Variants in PRSS41 observed in about 807,000 individuals in gnomAD.
PRSS41 encodes serine protease 41.
Under a neutral mutation model 28.8 loss-of-function variants are expected in PRSS41, and 37 were observed. That is an observed-to-expected ratio of 1.29 (90% CI 0.99 to 1.69). The LOEUF (loss-of-function observed/expected upper bound fraction) is 1.69. PRSS41 is among the 40% of genes most tolerant of loss of function. The pLI is 0.00. For missense variants in PRSS41, 431 were observed against 400.7 expected (o/e 1.08, Z -0.65); for synonymous variants, 195 against 163.1 (o/e 1.20, Z -1.49).
At chr16:2,804,687 T>A (rs2069009462) in intron 5 of PRSS41, 141 bp downstream of exon 5, 3 of 924,172 alleles carry the variant, frequency 3.2e-6, no homozygotes, top group Admixed American at 5.0e-5. Flanking sequence ...TTACTGAGCC[T>A]ACAAAATATG....
At chr16:2,799,818 G>A (rs1311011016) in intron 4 of PRSS41, among the ~76,000 whole-genome samples, 1 of 152,268 alleles carries the variant, frequency 6.6e-6, no homozygotes, top group Non-Finnish European at 1.5e-5. Context: ...GTGAGAGGGA[G>A]GCCAGCTTGG....
At chr16:2,799,160 TA>T in intron 3 of PRSS41, 36 bp downstream of exon 3, 1 of 1,506,110 alleles carries the variant, frequency 6.6e-7, no homozygotes, top group Non-Finnish European at 8.9e-7. Context: ...TCAGACTTGC[TA>T]ATGGCCTCCA....
At chr16:2,801,346 T>A (rs545540571) in intron 4 of PRSS41, among the ~76,000 whole-genome samples, 1 of 152,120 alleles carries the variant, frequency 6.6e-6, no homozygotes, top group South Asian at 2.1e-4. Context: ...ATTTTTTTTT[T>A]TAATTTTTTT....
At position 2,801,082 on chromosome 16, in the gene PRSS41, A is replaced by G. The variant is rs924789841; in HGVS notation, c.541+1513A>G. On this transcript the variant is annotated intron_variant, in intron 4 of 5. Transcript: ENST00000399677. Reference sequence around the variant, plus strand: ...TCGAACTCCTGACCTCAGGTGAACTACCCACCTCGGCCTCCCAAAGTTCGG... The same window carrying G: ...TCGAACTCCTGACCTCAGGTGAACTGCCCACCTCGGCCTCCCAAAGTTCGG... Among the ~76,000 whole-genome samples, 88 of 152,184 alleles carry G rather than the reference A, an allele frequency of 5.8e-4. 1 individual carries two copies. The highest frequency in any genetic ancestry group is 2.1e-3 in the African/African-American group (86 of 41,492).
intron 2 of PRSS41, 39 bp downstream of exon 2, chr16:2,798,701 TG>T (rs2068964557): frequency 1.4e-6 from 2 of 1,424,972 alleles, no homozygotes; most frequent in Admixed American, 5.8e-5. Flanking sequence ...CCAGGGCGGC[TG>T]GGCCGGGGTG....
intron 5 of PRSS41, 69 bp downstream of exon 5, chr16:2,804,615 C>A: frequency 6.9e-7 from 1 of 1,444,000 alleles, no homozygotes; most frequent in Non-Finnish European, 9.5e-7. Flanking sequence ...GCTACCATTT[C>A]TCCCCCAACC....
At chr16:2,799,712 T>G (rs1037999749) in intron 4 of PRSS41, 143 bp downstream of exon 4, 8 of 858,848 alleles carry the variant, frequency 9.3e-6, no homozygotes, top group Non-Finnish European at 1.4e-5. Context: ...CATTCTCTCC[T>G]CACTTGCTTT....
chr16:2,804,452 G>A, exon 5 of PRSS41: 1 of 1,551,646 alleles, frequency 6.4e-7, no homozygotes, highest in Non-Finnish European at 8.7e-7. Context: ...AACACCAGGT[G>A]TAATTACCTG....
chr16:2,802,517 A>T (rs1054775873), intron 4 of PRSS41, among the ~76,000 whole-genome samples: 12 of 152,260 alleles, frequency 7.9e-5, no homozygotes, highest in Middle Eastern at 3.4e-3. Context: ...GCACTTTGGG[A>T]GGCCAAGGCA....
intron 5 of PRSS41, 74 bp downstream of exon 5, chr16:2,804,620 C>G: frequency 7.4e-7 from 1 of 1,348,346 alleles, no homozygotes; most frequent in Non-Finnish European, 1.0e-6. Flanking sequence ...CATTTCTCCC[C>G]CAACCACTCC....
Position 2,804,553 on chromosome 16 carries a change from G to T in PRSS41, c.699+7G>T. 6.5e-7 allele frequency: 1 copy of T among 1,550,150 alleles called. No individual in the cohort carries two copies. Among genetic ancestry groups the T allele is most frequent in the Admixed American group, 2.0e-5 (1 of 50,996 alleles). ...CAGTGTAGACACCTGCAAAGTGAGT[G>T]CCTCTACCCCACCAGGGAATCCCAC... On this transcript the variant is annotated splice_region_variant and intron_variant, in intron 5 of 5. Coordinates refer to ENST00000399677, the Ensembl canonical transcript of PRSS41.
At chr16:2,799,647 A>G (rs758391677) in intron 4 of PRSS41, 78 bp downstream of exon 4, 20 of 1,429,142 alleles carry the variant, frequency 1.4e-5, no homozygotes, top group Non-Finnish European at 1.7e-5. Flanking sequence ...CCCGCTACAC[A>G]AGCACAGCAG....
exon 4 of PRSS41, chr16:2,799,406 C>G: frequency 6.4e-7 from 1 of 1,552,130 alleles, no homozygotes; most frequent in Non-Finnish European, 8.7e-7. Flanking sequence ...TGAACCCTGA[C>G]GCACTTGGGG....
chr16:2,799,140 G>T lies in PRSS41; in HGVS notation c.257+16G>T. 1 of 1,509,128 alleles carries T rather than the reference G, an allele frequency of 6.6e-7. No homozygotes were observed. The highest frequency in any genetic ancestry group is 8.8e-7 in the Non-Finnish European group (1 of 1,131,758). The allele number at this position is 1,509,128 out of a possible 1,614,324, so 93.5% of individuals were successfully genotyped here. ...GCTTCCAAAAGTGAGTCTGGGGGGC[G>T]GCCGGGGCCTCAGACTTGCTAATGG... On this transcript the variant is annotated intron_variant, in intron 3 of 5. Transcript: ENST00000399677.
At chr16:2,803,131 C>G (rs1415866329) in intron 4 of PRSS41, among the ~76,000 whole-genome samples, 1 of 152,130 alleles carries the variant, frequency 6.6e-6, no homozygotes, top group African/African-American at 2.4e-5. Flanking sequence ...AGCATTCAAG[C>G]CCTTTACATT....
At chr16:2,801,049 G>A (rs531910187) in intron 4 of PRSS41, among the ~76,000 whole-genome samples, 8 of 152,242 alleles carry the variant, frequency 5.3e-5, no homozygotes, top group African/African-American at 1.9e-4. Context: ...ATGTTGGCTA[G>A]GCTGGTCTCG....
intron 4 of PRSS41, among the ~76,000 whole-genome samples, chr16:2,802,106 A>G (rs1272589984): frequency 7.0e-5 from 10 of 142,212 alleles, no homozygotes; most frequent in African/African-American, 1.4e-4. Context: ...CCGGGCGGAG[A>G]GGCTCCTCAC....
chr16:2,802,171 G>A (rs1394171931), intron 4 of PRSS41, among the ~76,000 whole-genome samples: 5 of 151,248 alleles, frequency 3.3e-5, no homozygotes, highest in East Asian at 3.9e-4. Context: ...CAGACGGGGT[G>A]GCCGGGCAGA....
Position 2,799,302 on chromosome 16 carries a change from G to C in PRSS41, c.274G>C (p.Glu92Gln), listed in dbSNP as rs774293909. 7 of 1,551,494 alleles carry C rather than the reference G, an allele frequency of 4.5e-6. No individual in the cohort carries two copies. The South Asian group carries it at 8.3e-5, about 18-fold the overall frequency. The change falls in exon 4 of 6, where the codon GAG (glutamate) becomes CAG (glutamine). Residue 92 changes from glutamate (E) to glutamine (Q), a missense_variant. Coordinates refer to ENST00000399677, the Ensembl canonical transcript of PRSS41. ...TTCTGCTAGGCACTACTATCCCTCC[G>C]AGTGGACGGTCCAGCTGGGCGAGCT...
Sources: gnomAD v4.1 joint callset for allele counts (sites outside exome capture counted in the v4.1 genomes callset) on GRCh38, gnomAD v4.1.1 for gene constraint, MANE v1.5 for transcripts, NCBI Gene and HGNC (gene_info 2026-07-23, HGNC 2026-07-21) for gene names.